NASP: variants seen among roughly 807,000 people sequenced by gnomAD.
NASP encodes nuclear autoantigenic sperm protein, also known as NASP histone chaperone.
NASP carries 24 observed loss-of-function variants against 89.5 expected under a neutral mutation model. The observed-to-expected ratio is 0.27, with a 90% CI of 0.19 to 0.38. The LOEUF (loss-of-function observed/expected upper bound fraction) is 0.38, where lower values mean the gene tolerates loss of function less well. Ranked by LOEUF, NASP falls within the 10% of genes least tolerant of loss-of-function variation. NASP has a pLI of 1.00. For missense variants in NASP, 848 were observed against 921.4 expected (o/e 0.92, Z 1.03); for synonymous variants, 306 against 324.7 (o/e 0.94, Z 0.62).
At chr1:45,592,631 C>T (rs1643580683) in intron 2 of NASP, 1 of 152,358 alleles carries the variant, frequency 6.6e-6, no homozygotes, top group Non-Finnish European at 1.5e-5. Flanking sequence ...TCTCCTGCCT[C>T]AGCCTCCCAA....
At chr1:45,617,807 C>CCATA (rs1644132999) in intron 14 of NASP, among the ~76,000 whole-genome samples, 1 of 152,188 alleles carries the variant, frequency 6.6e-6, no homozygotes, top group Admixed American at 6.5e-5. Context: ...ATAGGTCCCT[C>CCATA]GATGAATATA....
At chr1:45,588,459 T>C (rs1324454836) in intron 1 of NASP, among the ~76,000 whole-genome samples, 1 of 152,148 alleles carries the variant, frequency 6.6e-6, no homozygotes, top group Non-Finnish European at 1.5e-5. Context: ...CTCATTTTGC[T>C]GCTTAGCCTG....
Position 45,584,142 on chromosome 1 carries a change from G to A in NASP, c.-5G>A, listed in dbSNP as rs749304746. ...CGTTCGCTGGTTCGCCACCTCAGGG[G>A]AACGATGGCCATGGAGTCCACAGCC... On this transcript the variant is annotated 5_prime_UTR_variant, in exon 1 of 15. Coordinates refer to ENST00000350030, the MANE Select transcript of NASP (RefSeq NM_002482.4). 3 of 1,592,082 alleles carry A rather than the reference G, an allele frequency of 1.9e-6. No homozygotes were observed. The highest frequency in any genetic ancestry group is 2.6e-6 in the Non-Finnish European group (3 of 1,169,336).
chr1:45,605,805 T>C (rs1202122408), intron 4 of NASP: 1 of 144,904 alleles, frequency 6.9e-6, no homozygotes, highest in Non-Finnish European at 1.5e-5. Flanking sequence ...AGACGGAGTT[T>C]CACTCCTGTC....
intron 2 of NASP, among the ~76,000 whole-genome samples, chr1:45,597,707 A>G (rs1643733709): frequency 1.3e-5 from 2 of 152,210 alleles, no homozygotes; most frequent in African/African-American, 4.8e-5. Context: ...GGGGGGCTTC[A>G]GTAACGTAAC....
intron 5 of NASP, 67 bp downstream of exon 5, chr1:45,606,658 AACGGGGCTCT>A (rs1209381798): frequency 1.8e-6 from 2 of 1,102,662 alleles, no homozygotes; most frequent in Non-Finnish European, 2.7e-6. Context: ...CAGTGGTGGA[AACGGGGCTCT>A]ACCTGTCCTG....
intron 2 of NASP, among the ~76,000 whole-genome samples, chr1:45,592,248 G>T (rs941097396): frequency 6.6e-6 from 1 of 152,204 alleles, no homozygotes. Flanking sequence ...GCCTCCCAAA[G>T]TGTTGGGATT....
chr1:45,597,357 T>C (rs2148342319), intron 2 of NASP, among the ~76,000 whole-genome samples: 1 of 149,400 alleles, frequency 6.7e-6, no homozygotes, highest in South Asian at 2.1e-4. Context: ...TTGGGTGTGG[T>C]AACAGAAGAA....
In NASP at chr1:45,607,929, C is replaced by A. The variant is rs745841045; in HGVS notation, c.1018C>A (p.Pro340Thr). Reference sequence around the variant, plus strand: ...ACAACTGGTAGGTCAAGAAGTACCACCTGCTGAAGAGTCACCAGAGGTGAC... The same window carrying A: ...ACAACTGGTAGGTCAAGAAGTACCAACTGCTGAAGAGTCACCAGAGGTGAC... ...LEQLVGQEVP[P>T]AEESPEVTTE... Residue 340 changes from proline (P) to threonine (T), a missense_variant, in exon 6 of 15, where the codon CCT (proline) becomes ACT (threonine). Around this residue, in one of 5 missense-constraint regions of NASP, gnomAD observed 464 missense variants for 469.4 expected, o/e 0.99. Transcript: ENST00000350030. The A allele has an allele frequency of 1.2e-6, 2 of 1,614,130 alleles. No individual in the cohort carries two copies. Among genetic ancestry groups the A allele is most frequent in the Admixed American group, 3.3e-5 (2 of 60,020 alleles).
At position 45,614,315 on chromosome 1, in the gene NASP, C is replaced by T; in HGVS notation, c.1615C>T (p.Leu539Phe). The part of the protein sequence containing the change: ...FKRQETKEAQ[L>F]YAAQAHLKLG... ...TAGGCAAGAAACAAAAGAAGCACAGCTTTATGCTGCCCAGGCACATCTTAA... is the reference window on the plus strand; with the variant it reads ...TAGGCAAGAAACAAAAGAAGCACAGTTTTATGCTGCCCAGGCACATCTTAA... Residue 539 changes from leucine to phenylalanine, a missense_variant, in exon 9 of 15, where the codon CTT becomes TTT. By Grantham distance (22) the Leu-to-Phe change is conservative. Transcript: ENST00000350030. The T allele has an allele frequency of 6.2e-7, 1 of 1,613,862 alleles. No individual in the cohort carries two copies. The highest frequency in any genetic ancestry group is 8.5e-7 in the Non-Finnish European group (1 of 1,179,846).
intron 13 of NASP, 32 bp from the exon 14 acceptor site, chr1:45,617,431 C>T (rs200116480): frequency 1.3e-6 from 2 of 1,597,752 alleles, no homozygotes; most frequent in Admixed American, 1.8e-5. Flanking sequence ...ACATTAAGCA[C>T]ATTTGTGAAG....
intron 2 of NASP, among the ~76,000 whole-genome samples, chr1:45,594,991 C>T (rs58969658): frequency 0.01 from 1,558 of 152,130 alleles, 28 homozygotes; most frequent in African/African-American, 0.036. Flanking sequence ...TTAATCTTTC[C>T]TTCTTTTTTT....
intron 1 of NASP, among the ~76,000 whole-genome samples, chr1:45,584,910 G>A (rs887752373): frequency 1.3e-5 from 2 of 152,212 alleles, no homozygotes; most frequent in African/African-American, 2.4e-5. Flanking sequence ...CCGCGACTCC[G>A]TGAGCCCCTG....
At chr1:45,595,462 C>T (rs930494269) in intron 2 of NASP, among the ~76,000 whole-genome samples, 28 of 152,116 alleles carry the variant, frequency 1.8e-4, no homozygotes, top group African/African-American at 5.1e-4. Flanking sequence ...AACACTGTGC[C>T]ATAAATCTGT....
At chr1:45,606,675 C>A in intron 5 of NASP, 84 bp downstream of exon 5, 1 of 888,932 alleles carries the variant, frequency 1.1e-6, no homozygotes, top group South Asian at 1.5e-5. Context: ...CTCTACCTGT[C>A]CTGGATGGTC....
chr1:45,592,129 C>T (rs984442723), intron 2 of NASP, among the ~76,000 whole-genome samples: 6 of 152,280 alleles, frequency 3.9e-5, no homozygotes, highest in South Asian at 2.1e-4. Context: ...GGATTACAGG[C>T]GGGTGCCACT....
chr1:45,590,732 T>G (rs1169642318), intron 1 of NASP, among the ~76,000 whole-genome samples: 1 of 133,286 alleles, frequency 7.5e-6, no homozygotes, highest in Non-Finnish European at 1.5e-5. Context: ...GATATCTCCC[T>G]GACATTGTAT....
At chr1:45,585,869 A>T (rs1289869204) in intron 1 of NASP, among the ~76,000 whole-genome samples, 4 of 152,018 alleles carry the variant, frequency 2.6e-5, no homozygotes, top group Non-Finnish European at 5.9e-5. Flanking sequence ...AGACTCTTGG[A>T]CTCAAGCAGT....
At chr1:45,611,036 TCTC>T (rs1643999594) in intron 6 of NASP, 1 of 152,216 alleles carries the variant, frequency 6.6e-6, no homozygotes, top group South Asian at 2.1e-4. Context: ...ACCATTATCT[TCTC>T]ATATCCACAT....
Sources: gnomAD v4.1 joint callset for allele counts (sites outside exome capture counted in the v4.1 genomes callset) on GRCh38, gnomAD v4.1.1 for gene constraint, gnomAD v4.1.1 regional missense constraint, MANE v1.5 for transcripts, NCBI Gene and HGNC (gene_info 2026-07-23, HGNC 2026-07-21) for gene names.